Variants in PCDH15 observed in about 807,000 individuals in gnomAD.
The protein encoded by PCDH15 is protocadherin related 15, also known as protocadherin-15.
PCDH15 carries 129 observed loss-of-function variants against 178.5 expected under a neutral mutation model. The observed-to-expected ratio is 0.72, with a 90% CI of 0.63 to 0.84. The LOEUF (loss-of-function observed/expected upper bound fraction) is 0.84. Ranked by LOEUF, PCDH15 falls within the 40% of genes least tolerant of loss-of-function variation. PCDH15 has a pLI of 0.00. For missense variants in PCDH15, 2,230 were observed against 2,099.9 expected (o/e 1.06, Z -1.21); for synonymous variants, 800 against 732.0 (o/e 1.09, Z -1.50).
At chr10:54,422,912 C>T (rs908836691) in intron 3 of PCDH15, among the ~76,000 whole-genome samples, 8 of 151,980 alleles carry the variant, frequency 5.3e-5, no homozygotes, top group African/African-American at 9.7e-5. Flanking sequence ...AAATAGAAAA[C>T]GTATTAAGCA....
intron 3 of PCDH15, among the ~76,000 whole-genome samples, chr10:54,419,340 T>C (rs1233026294): frequency 6.7e-6 from 1 of 150,208 alleles, no homozygotes; most frequent in Non-Finnish European, 1.5e-5. Flanking sequence ...CAAATTTATC[T>C]AAAATTCTTC....
chr10:55,383,221 A>G (rs1464131396), intron 2 of PCDH15, among the ~76,000 whole-genome samples: 4 of 152,098 alleles, frequency 2.6e-5, no homozygotes, highest in African/African-American at 9.7e-5. Flanking sequence ...CTCCAAAGTC[A>G]TGCCATCTAA....
In PCDH15 at chr10:54,169,819, C is replaced by T. The variant is rs532671586; in HGVS notation, c.1590+13625G>A. On this transcript the variant is annotated intron_variant, in intron 13 of 37. Coordinates refer to ENST00000644397, the MANE Select transcript of PCDH15 (RefSeq NM_001384140.1). ...CTGCTACAGCATGGCCTTTTAAAGCCTATAAACTCTCCTTACAATTCCCCC... is the reference window on the plus strand; with the variant it reads ...CTGCTACAGCATGGCCTTTTAAAGCTTATAAACTCTCCTTACAATTCCCCC... Among the ~76,000 whole-genome samples, 410 of 152,012 alleles carry T rather than the reference C, an allele frequency of 2.7e-3. 1 individual carries two copies. The highest frequency in any genetic ancestry group is 9.2e-3 in the African/African-American group (381 of 41,424).
chr10:53,929,083 A>AT (rs541365175), intron 25 of PCDH15, among the ~76,000 whole-genome samples: 186 of 152,106 alleles, frequency 1.2e-3, no homozygotes, highest in Admixed American at 2.3e-3. Context: ...GAAATGTAAT[A>AT]TTTTTCTATT....
chr10:53,931,221 A>G (rs1414008887), intron 25 of PCDH15, among the ~76,000 whole-genome samples: 2 of 152,194 alleles, frequency 1.3e-5, no homozygotes, highest in East Asian at 1.9e-4. Context: ...TACTGTCTCC[A>G]TCTGTAATAA....
chr10:53,995,694 C>G lies in PCDH15; in HGVS notation c.2823G>C (p.Lys941Asn). The change falls in exon 21 of 38, where the codon AAG becomes AAC. Residue 941 changes from lysine to asparagine, a missense_variant. Physicochemically the swap from Lys to Asn is moderately conservative, Grantham distance 94. Transcript: ENST00000644397. ...YKGMVAPDAV[K>N]GTPITTVYAE... ...CATAAACTGTTGTGATAGGTGTACCCTTGACTGCATCCGGAGCCACCATCC... is the reference window on the plus strand; with the variant it reads ...CATAAACTGTTGTGATAGGTGTACCGTTGACTGCATCCGGAGCCACCATCC... The G allele has an allele frequency of 6.2e-7, 1 of 1,613,888 alleles. No individual in the cohort carries two copies. Among genetic ancestry groups the G allele is most frequent in the Middle Eastern group, 1.6e-4 (1 of 6,062 alleles).
intron 2 of PCDH15, among the ~76,000 whole-genome samples, chr10:55,108,715 A>G (rs1837421113): frequency 6.6e-6 from 1 of 152,138 alleles, no homozygotes; most frequent in Admixed American, 6.5e-5. Flanking sequence ...AAATAAAAAA[A>G]AAAACAATAA....
At chr10:54,022,774 T>A in intron 19 of PCDH15, 118 bp downstream of exon 19, 1 of 988,280 alleles carries the variant, frequency 1.0e-6, no homozygotes, top group East Asian at 2.5e-5. Flanking sequence ...TCATTGTTTA[T>A]CTGAAATTAA....
intron 8 of PCDH15, among the ~76,000 whole-genome samples, chr10:54,272,091 ATACT>A (rs1047034060): frequency 3.4e-5 from 5 of 148,766 alleles, no homozygotes; most frequent in Admixed American, 6.8e-5. Context: ...TCAGAAAATC[ATACT>A]TAATAATGTA....
intron 2 of PCDH15, among the ~76,000 whole-genome samples, chr10:55,041,274 T>C (rs982994927): frequency 6.6e-6 from 1 of 152,098 alleles, no homozygotes; most frequent in African/African-American, 2.4e-5. Flanking sequence ...AATGAAAATC[T>C]AGCTAAATTA....
chr10:54,237,427 A>G (rs991976077), intron 8 of PCDH15, among the ~76,000 whole-genome samples: 23 of 152,166 alleles, frequency 1.5e-4, no homozygotes, highest in African/African-American at 5.5e-4. Flanking sequence ...ATTTCATATA[A>G]TTAAAATTGA....
intron 8 of PCDH15, among the ~76,000 whole-genome samples, chr10:54,278,541 A>G (rs1244446879): frequency 3.3e-5 from 5 of 151,646 alleles, no homozygotes; most frequent in Non-Finnish European, 7.4e-5. Flanking sequence ...ATGGTAAATT[A>G]GCAGTCCAAG....
chr10:53,991,208 G>A (rs1425901098), intron 21 of PCDH15, among the ~76,000 whole-genome samples: 4 of 152,154 alleles, frequency 2.6e-5, no homozygotes, highest in East Asian at 3.9e-4. Flanking sequence ...CGCGCGGTGC[G>A]GGACTGGCAG....
intron 2 of PCDH15, among the ~76,000 whole-genome samples, chr10:55,088,621 C>T (rs1842238350): frequency 7.1e-6 from 1 of 140,218 alleles, no homozygotes; most frequent in Non-Finnish European, 1.5e-5. Context: ...GTGAGATACT[C>T]ATGGAACAGA....
intron 2 of PCDH15, among the ~76,000 whole-genome samples, chr10:55,559,532 G>T (rs1197912079): frequency 1.3e-5 from 2 of 151,946 alleles, no homozygotes; most frequent in Admixed American, 1.3e-4. Context: ...ATGGAGAATA[G>T]TATCGGAGCA....
intron 1 of PCDH15, among the ~76,000 whole-genome samples, chr10:54,734,946 G>T (rs772238578): frequency 2.0e-5 from 3 of 151,934 alleles, no homozygotes; most frequent in Non-Finnish European, 2.9e-5. Context: ...TGTGATGGTG[G>T]TTACAAGACT....
rs61142978 is a variant in PCDH15 at position 54,413,078 on chromosome 10, T to C, written c.158-34136A>G. 8.0e-3 allele frequency among the ~76,000 whole-genome samples: 1,214 copies of C among 152,310 alleles called. 17 individuals carry two copies. Among genetic ancestry groups the C allele is most frequent in the African/African-American group, 0.028 (1,146 of 41,570 alleles). On this transcript the variant is annotated intron_variant, in intron 3 of 37. Coordinates refer to ENST00000644397, the MANE Select transcript of PCDH15 (RefSeq NM_001384140.1). ...AAAGAAGGGAGCATGAACATATGTT[T>C]AGCAGGAAACTTAAAGTCTAGCAAA...
intron 2 of PCDH15, among the ~76,000 whole-genome samples, chr10:55,407,904 G>A (rs1234520732): frequency 6.6e-6 from 1 of 152,162 alleles, no homozygotes; most frequent in Non-Finnish European, 1.5e-5. Context: ...TCATCTCTAA[G>A]TCTCAAGGAC....
At chr10:53,983,675 A>T (rs1420841217) in intron 21 of PCDH15, among the ~76,000 whole-genome samples, 1 of 152,206 alleles carries the variant, frequency 6.6e-6, no homozygotes, top group African/African-American at 2.4e-5. Flanking sequence ...AAAGGTATGA[A>T]ATAACACATT....
Sources: allele counts gnomAD v4.1 joint callset (sites outside exome capture counted in the v4.1 genomes callset), GRCh38; gene constraint gnomAD v4.1.1; transcripts MANE v1.5; gene names NCBI Gene and HGNC (gene_info 2026-07-23, HGNC 2026-07-21).